Variants in GPATCH2L observed in about 807,000 individuals in gnomAD.
The protein encoded by GPATCH2L is G patch domain-containing protein 2-like.
GPATCH2L carries 31 observed loss-of-function variants against 57.4 expected under a neutral mutation model. That is an observed-to-expected ratio of 0.54 (90% CI 0.41 to 0.73). The LOEUF (loss-of-function observed/expected upper bound fraction) is 0.73. Ranked by LOEUF, GPATCH2L falls within the 30% of genes least tolerant of loss-of-function variation. The pLI, the probability that GPATCH2L is intolerant of heterozygous loss-of-function variation, is 0.00. For missense variants in GPATCH2L, 481 were observed against 599.9 expected (o/e 0.80, Z 2.07); for synonymous variants, 199 against 210.7 (o/e 0.94, Z 0.48).
At chr14:76,178,112 C>T in intron 7 of GPATCH2L, 70 bp downstream of exon 7, 1 of 1,303,672 alleles carries the variant, frequency 7.7e-7, no homozygotes, top group South Asian at 1.2e-5. Flanking sequence ...CCAACACTTA[C>T]TGGTAAAAAC....
chr14:76,223,661 A>G (rs561112958), intron 1 of GPATCH2L, among the ~76,000 whole-genome samples: 1 of 152,320 alleles, frequency 6.6e-6, no homozygotes, highest in South Asian at 2.1e-4. Flanking sequence ...AGAATGGGAG[A>G]AAATATTTGC....
intron 8 of GPATCH2L, among the ~76,000 whole-genome samples, chr14:76,191,830 A>G (rs907378830): frequency 2.6e-5 from 4 of 152,162 alleles, no homozygotes; most frequent in Non-Finnish European, 5.9e-5. Context: ...ACTGTGTAAT[A>G]TACAATTGTT....
chr14:76,162,767 T>C (rs1405330726), intron 2 of GPATCH2L, among the ~76,000 whole-genome samples: 2 of 152,228 alleles, frequency 1.3e-5, no homozygotes, highest in African/African-American at 2.4e-5. Flanking sequence ...GTGTATTTTA[T>C]GTCAGTATGC....
At chr14:76,161,358 T>C (rs1481461696) in intron 2 of GPATCH2L, among the ~76,000 whole-genome samples, 1 of 152,168 alleles carries the variant, frequency 6.6e-6, no homozygotes, top group Non-Finnish European at 1.5e-5. Context: ...AAAAAACACC[T>C]CTTATTAAGC....
intron 8 of GPATCH2L, among the ~76,000 whole-genome samples, chr14:76,186,080 T>C (rs2139750219): frequency 6.6e-6 from 1 of 152,322 alleles, no homozygotes; most frequent in East Asian, 1.9e-4. Flanking sequence ...GTAACCAATA[T>C]TATTTTTGTT....
chr14:76,198,929 G>A (rs140361957), intron 9 of GPATCH2L, among the ~76,000 whole-genome samples: 1 of 152,136 alleles, frequency 6.6e-6, no homozygotes, highest in Admixed American at 6.5e-5. Context: ...CTAATATATT[G>A]TAACCACATG....
chr14:76,156,155 G>A (rs1017288916), intron 2 of GPATCH2L, among the ~76,000 whole-genome samples: 3 of 152,180 alleles, frequency 2.0e-5, no homozygotes, highest in Non-Finnish European at 2.9e-5. Flanking sequence ...CCAAAACTGG[G>A]AATCAAGCCT....
chr14:76,155,409 G>A (rs1360749772), intron 2 of GPATCH2L, among the ~76,000 whole-genome samples: 3 of 152,200 alleles, frequency 2.0e-5, no homozygotes, highest in African/African-American at 4.8e-5. Flanking sequence ...ATATGCTAGC[G>A]CCAGGTATAC....
Position 76,201,872 on chromosome 14 carries a change from A to G in GPATCH2L, c.*21A>G. The G allele has an allele frequency of 2.5e-6, 4 of 1,605,422 alleles. No homozygotes were observed. The highest frequency in any genetic ancestry group is 3.4e-6 in the Non-Finnish European group (4 of 1,175,622). ...GCTAGAGAGCAGGACTTCACCCTCC[A>G]GGAGCTGACTGGGTGTTGCTGAAGC... On this transcript the variant is annotated 3_prime_UTR_variant, in exon 10 of 10. Transcript: ENST00000261530.
Position 76,202,460 on chromosome 14 carries a change from C to G in GPATCH2L, c.*609C>G, listed in dbSNP as rs992301514. ...AGATTGTCTGCAGAAACTCAGACAG[C>G]TCATCAGCAGCAGCAGCTGTATTGT... On this transcript the variant is annotated 3_prime_UTR_variant, in exon 10 of 10. Coordinates refer to ENST00000261530, the MANE Select transcript of GPATCH2L (RefSeq NM_017926.4). 7.2e-5 allele frequency: 11 copies of G among 152,728 alleles called. No homozygotes were observed. The highest frequency in any genetic ancestry group is 2.6e-4 in the African/African-American group (11 of 41,524). The allele number at this position is 152,728 out of a possible 1,614,324, so 9.5% of individuals were successfully genotyped here.
At chr14:76,168,897 T>A (rs1009237496) in intron 3 of GPATCH2L, among the ~76,000 whole-genome samples, 1 of 152,252 alleles carries the variant, frequency 6.6e-6, no homozygotes, top group African/African-American at 2.4e-5. Flanking sequence ...GGATTGCTGG[T>A]TGGCAGTGGT....
intron 8 of GPATCH2L, among the ~76,000 whole-genome samples, chr14:76,193,647 G>A (rs2040055145): frequency 6.6e-6 from 1 of 152,136 alleles, no homozygotes; most frequent in South Asian, 2.1e-4. Flanking sequence ...AGAGTTATCA[G>A]AAAGAACCCC....
At chr14:76,235,281 A>T (rs1475005880) in intron 2 of GPATCH2L, among the ~76,000 whole-genome samples, 1 of 152,190 alleles carries the variant, frequency 6.6e-6, no homozygotes, top group Non-Finnish European at 1.5e-5. Flanking sequence ...TCTCACCTTG[A>T]ATTGTAATAC....
At chr14:76,216,072 G>A (rs111320392), downstream of GPATCH2L, among the ~76,000 whole-genome samples, 467 of 152,200 alleles carry the variant, frequency 3.1e-3, 3 homozygotes, top group African/African-American at 0.011. Flanking sequence ...GTAAAGCAGG[G>A]CCTGCTCAAG....
rs1555382895 is a variant in GPATCH2L, at chr14:76,202,562, C to CACACACACACACACACACAG, written c.*712_*713insCACACACACACACACACAGA. On this transcript the variant is annotated 3_prime_UTR_variant, in exon 10 of 10. Transcript: ENST00000261530. ...ACACACACACACACACACACACACA[C>CACACACACACACACACACAG]AGATTGGTATAATGGAGAAGATGGT... 1 of 150,028 alleles carries CACACACACACACACACACAG rather than the reference C, an allele frequency of 6.7e-6. No homozygotes were observed. Among genetic ancestry groups the CACACACACACACACACACAG allele is most frequent in the East Asian group, 1.9e-4 (1 of 5,130 alleles). The allele number at this position is 150,028 out of a possible 1,614,324, so 9.3% of individuals were successfully genotyped here.
downstream of GPATCH2L, among the ~76,000 whole-genome samples, chr14:76,219,073 A>T (rs1197114771): frequency 6.6e-6 from 1 of 151,984 alleles, no homozygotes; most frequent in African/African-American, 2.4e-5. Context: ...TAAGTATGAC[A>T]CAAAACCCAG....
rs747025642 is a variant in GPATCH2L, at chr14:76,173,602, G to C, written c.961G>C (p.Gly321Arg). Residue 321 changes from glycine (G) to arginine (R), a missense_variant, in exon 5 of 10, where the codon GGG (glycine) becomes CGG (arginine). This residue lies in a region of GPATCH2L where 248 missense variants were observed against 270.5 expected (regional missense o/e 0.92). Transcript: ENST00000261530. The part of the protein sequence containing the change: ...PGAAARCLRK[G>R]RRRLVGKETS... ...AGCTGCAGCTCGATGCCTCAGAAAGGGGCGAAGAAGGCTGGTTGGGAAGGT... is the reference window on the plus strand; with the variant it reads ...AGCTGCAGCTCGATGCCTCAGAAAGCGGCGAAGAAGGCTGGTTGGGAAGGT... 1 of 1,610,958 alleles carries C rather than the reference G, an allele frequency of 6.2e-7. No homozygotes were observed. The highest frequency in any genetic ancestry group is 1.3e-5 in the African/African-American group (1 of 74,980).
intron 2 of GPATCH2L, among the ~76,000 whole-genome samples, chr14:76,159,247 T>C (rs554061996): frequency 3.3e-4 from 50 of 152,360 alleles, no homozygotes; most frequent in African/African-American, 1.2e-3. Flanking sequence ...TTGTAATGTC[T>C]TAACTGGTAA....
intron 8 of GPATCH2L, 117 bp from the exon 9 acceptor site, chr14:76,195,761 A>G: frequency 1.3e-6 from 1 of 741,820 alleles, no homozygotes; most frequent in Admixed American, 2.1e-5. Context: ...ATGGCAAAAG[A>G]TGGTGCCCAT....
Sources: allele counts gnomAD v4.1 joint callset (sites outside exome capture counted in the v4.1 genomes callset), GRCh38; gene constraint gnomAD v4.1.1; regional missense constraint gnomAD v4.1.1; transcripts MANE v1.5; gene names NCBI Gene and HGNC (gene_info 2026-07-23, HGNC 2026-07-21).